The following GALNT10 variants were observed in gnomAD, a reference collection of about 807,000 sequenced individuals.
GALNT10 encodes GalNAc transferase 10.
In GALNT10, 41 loss-of-function variants were observed where a neutral mutation model predicts 75.0. That is an observed-to-expected ratio of 0.55 (90% CI 0.43 to 0.71). The LOEUF (loss-of-function observed/expected upper bound fraction) is 0.71. Ranked by LOEUF, GALNT10 falls within the 30% of genes least tolerant of loss-of-function variation. The pLI, the probability that GALNT10 is intolerant of heterozygous loss-of-function variation, is 0.00. For missense variants in GALNT10, 727 were observed against 818.5 expected (o/e 0.89, Z 1.36); for synonymous variants, 302 against 313.0 (o/e 0.96, Z 0.37).
intron 7 of GALNT10, among the ~76,000 whole-genome samples, chr5:154,397,126 C>CAA (rs58303911): frequency 7.9e-6 from 1 of 126,132 alleles, no homozygotes; most frequent in Non-Finnish European, 1.8e-5. Flanking sequence ...GACTCCGTCT[C>CAA]AAAAAAAAAA....
intron 8 of GALNT10, among the ~76,000 whole-genome samples, chr5:154,408,519 C>T (rs1432765838): frequency 6.6e-6 from 1 of 152,078 alleles, no homozygotes; most frequent in African/African-American, 2.4e-5. Context: ...GTGGGGTCTA[C>T]ACTGCAGATG....
chr5:154,293,365 G>C (rs1398982229), intron 1 of GALNT10, among the ~76,000 whole-genome samples: 1 of 152,206 alleles, frequency 6.6e-6, no homozygotes, highest in Non-Finnish European at 1.5e-5. Context: ...TATGTAAGTA[G>C]CTGTGTGGTG....
chr5:154,346,306 G>A (rs1755123607), intron 4 of GALNT10, among the ~76,000 whole-genome samples: 1 of 152,004 alleles, frequency 6.6e-6, no homozygotes, highest in Admixed American at 6.5e-5. Flanking sequence ...TATTCTCTTT[G>A]GATATATATC....
chr5:154,274,393 A>G (rs1753918268), intron 1 of GALNT10, among the ~76,000 whole-genome samples: 2 of 152,220 alleles, frequency 1.3e-5, no homozygotes, highest in African/African-American at 4.8e-5. Context: ...TACTTATGCT[A>G]CTATCTTGCC....
chr5:154,396,201 T>TATGAATGAATGA (rs5872378), intron 7 of GALNT10, among the ~76,000 whole-genome samples: 14,091 of 151,084 alleles, frequency 0.093, 821 homozygotes, highest in African/African-American at 0.17. Context: ...CCAGATCATG[T>TATGAATGAATGA]ATGAATGAAT....
rs992621986 is a variant in GALNT10, at chr5:154,419,832, G to C, written c.*2860G>C. The C allele has an allele frequency of 2.0e-5, 3 of 152,232 alleles. No homozygotes were observed. The highest frequency in any genetic ancestry group is 7.2e-5 in the African/African-American group (3 of 41,456). The allele number at this position is 152,232 out of a possible 1,614,324, so 9.4% of individuals were successfully genotyped here. ...GATGCTCAATAAAACTCAGCCAGGAGCATATGGAGATGCTGACAGCCAGGT... is the reference window on the plus strand; with the variant it reads ...GATGCTCAATAAAACTCAGCCAGGACCATATGGAGATGCTGACAGCCAGGT... On this transcript the variant is annotated 3_prime_UTR_variant, in exon 12 of 12. Coordinates refer to ENST00000297107, the MANE Select transcript of GALNT10 (RefSeq NM_198321.4).
intron 3 of GALNT10, among the ~76,000 whole-genome samples, chr5:154,304,085 C>G (rs35124964): frequency 6.6e-6 from 1 of 152,106 alleles, no homozygotes; most frequent in East Asian, 1.9e-4. Context: ...GATTAATGAA[C>G]TTGAAGATGT....
intron 3 of GALNT10, among the ~76,000 whole-genome samples, chr5:154,311,153 A>G (rs1259614760): frequency 6.6e-6 from 1 of 152,228 alleles, no homozygotes; most frequent in Non-Finnish European, 1.5e-5. Context: ...TTATTTCTGC[A>G]AACAGATGCA....
At chr5:154,323,072 A>G (rs1365094877) in intron 3 of GALNT10, among the ~76,000 whole-genome samples, 1 of 152,252 alleles carries the variant, frequency 6.6e-6, no homozygotes, top group Non-Finnish European at 1.5e-5. Context: ...GAAGAAAAGC[A>G]TAGGGTTCTA....
At chr5:154,294,270 G>A (rs9791027) in intron 1 of GALNT10, among the ~76,000 whole-genome samples, 38,771 of 151,988 alleles carry the variant, frequency 0.26, 5,158 homozygotes, top group African/African-American at 0.31. Context: ...GGAGTTCGAG[G>A]CTGCAGTGAG....
chr5:154,300,629 T>C (rs1754344906), intron 3 of GALNT10, among the ~76,000 whole-genome samples: 1 of 152,232 alleles, frequency 6.6e-6, no homozygotes, highest in Non-Finnish European at 1.5e-5. Flanking sequence ...ATAGTATATA[T>C]GTAGGTCTTC....
intron 1 of GALNT10, among the ~76,000 whole-genome samples, chr5:154,241,899 T>C (rs1317448227): frequency 1.3e-5 from 2 of 152,204 alleles, no homozygotes; most frequent in South Asian, 2.1e-4. Flanking sequence ...AACATTTTTT[T>C]CCCCTTCGCC....
At chr5:154,277,140 C>A (rs139548260) in intron 1 of GALNT10, among the ~76,000 whole-genome samples, 5 of 152,146 alleles carry the variant, frequency 3.3e-5, no homozygotes, top group Non-Finnish European at 7.4e-5. Context: ...ACTCATGTAT[C>A]TCTGGTCAAC....
Position 154,224,353 on chromosome 5 carries a change from T to C in GALNT10, c.159+33328T>C, listed in dbSNP as rs535050031. Among the ~76,000 whole-genome samples the C allele has an allele frequency of 2.6e-4, 39 of 152,364 alleles. 1 individual carries two copies. In the South Asian group the frequency reaches 7.9e-3, roughly 31 times the overall value. On this transcript the variant is annotated intron_variant, in intron 1 of 11. Coordinates refer to ENST00000297107, the MANE Select transcript of GALNT10 (RefSeq NM_198321.4). ...AGCCACCTTCCCCATTCATCATTCT[T>C]ATTCTATCAATTCTTCTATAATCTG... is the stretch of plus-strand genomic sequence containing the variant.
intron 4 of GALNT10, among the ~76,000 whole-genome samples, chr5:154,340,310 G>A (rs1377720523): frequency 6.6e-6 from 1 of 152,192 alleles, no homozygotes. Context: ...GCCAGGCACT[G>A]TTGTAAGCGA....
chr5:154,223,659 C>A (rs1356132239), intron 1 of GALNT10, among the ~76,000 whole-genome samples: 3 of 151,722 alleles, frequency 2.0e-5, no homozygotes, highest in African/African-American at 7.3e-5. Context: ...GTGGCTCACA[C>A]CTGTAATCCC....
chr5:154,222,509 G>A (rs34780525), intron 1 of GALNT10, among the ~76,000 whole-genome samples: 27,088 of 151,962 alleles, frequency 0.18, 2,663 homozygotes, highest in Non-Finnish European at 0.23. Flanking sequence ...GGATTGTATG[G>A]TATATATATA....
In GALNT10 at chr5:154,409,656, G is replaced by A. The variant is rs1561686498; in HGVS notation, c.1280G>A (p.Arg427His). Residue 427 changes from arginine to histidine, a missense_variant, in exon 9 of 12, where the codon CGC (arginine) becomes CAC (histidine). Transcript: ENST00000297107. This position sits in a 1 kb window ranked among gnomAD's most constrained non-coding sequence, Gnocchi z 4.5. ...GATGTCGCAGTCCAGAAAAAGCTCC[G>A]CAGCTCCCTTAACTGCAAGAGTTTC... Reference protein sequence around the residue: ...AGDVAVQKKLRSSLNCKSFKW... With the variant: ...AGDVAVQKKLHSSLNCKSFKW... 18 of 1,613,996 alleles carry A rather than the reference G, an allele frequency of 1.1e-5. No individual in the cohort carries two copies. The highest frequency in any genetic ancestry group is 1.5e-5 in the Non-Finnish European group (18 of 1,179,854).
chr5:154,375,777 A>G (rs1212000203), intron 4 of GALNT10, among the ~76,000 whole-genome samples: 2 of 152,232 alleles, frequency 1.3e-5, no homozygotes, highest in Non-Finnish European at 2.9e-5. Flanking sequence ...GAATATTCTC[A>G]GGACCCATTA....
Sources: allele counts gnomAD v4.1 joint callset (sites outside exome capture counted in the v4.1 genomes callset), GRCh38; gene constraint gnomAD v4.1.1; non-coding constraint Gnocchi (gnomAD v3.1); transcripts MANE v1.5; gene names NCBI Gene and HGNC (gene_info 2026-07-23, HGNC 2026-07-21).